NMU: variants seen among roughly 807,000 people sequenced by gnomAD.
NMU encodes neuromedin U.
Under a neutral mutation model 35.4 loss-of-function variants are expected in NMU, and 29 were observed. The ratio of observed to expected loss-of-function variants is 0.82; its 90% CI spans 0.61 to 1.12. The LOEUF (loss-of-function observed/expected upper bound fraction) is 1.12. Among genes scored for constraint, NMU ranks in the 50% most tolerant of loss-of-function variants. The probability of loss-of-function intolerance (pLI) is 0.00; values close to 1 mark genes in which losing one functional copy is unlikely to be tolerated. For missense variants in NMU, 199 were observed against 206.2 expected (o/e 0.97, Z 0.21); for synonymous variants, 78 against 81.3 (o/e 0.96, Z 0.22).
intron 2 of NMU, among the ~76,000 whole-genome samples, chr4:55,618,860 C>T (rs1048793061): frequency 6.8e-6 from 1 of 146,910 alleles, no homozygotes; most frequent in African/African-American, 2.5e-5. Context: ...TTTCTTCTCT[C>T]TCTCTTTCTT....
rs776487894 is a variant in NMU, at chr4:55,609,173, T to G, written c.226A>C (p.Asn76His). The G allele has an allele frequency of 6.2e-7, 1 of 1,610,462 alleles. No individual in the cohort carries two copies. Among genetic ancestry groups the G allele is most frequent in the Non-Finnish European group, 8.5e-7 (1 of 1,176,670 alleles). ...LSIDSQPQAS[N>H]ALEELCFMIM... ...ATAAAGCAAAGCTCCTCCAGTGCGT[T>G]GGATGCCTAACAGAAATGAGAAGAT... is the stretch of plus-strand genomic sequence containing the variant. The change falls in exon 4 of 10, where the codon AAC becomes CAC. Residue 76 changes from asparagine (N) to histidine (H), a missense_variant. By Grantham distance (68) the Asn-to-His change is moderately conservative. Transcript: ENST00000264218.
chr4:55,627,939 G>A (rs542071303), intron 2 of NMU, among the ~76,000 whole-genome samples: 1 of 152,316 alleles, frequency 6.6e-6, no homozygotes, highest in Admixed American at 6.5e-5. Context: ...TAAAGGTTAT[G>A]TATCAAACTT....
chr4:55,636,447 A>G (rs7688987), upstream of NMU: 458,204 of 458,962 alleles, frequency 1, 228,732 homozygotes, highest in Middle Eastern at 1. This position sits in a 1 kb window ranked among gnomAD's most constrained non-coding sequence, Gnocchi z 4.0. Flanking sequence ...ACCCTGCAGC[A>G]GGACCCGAGC....
At chr4:55,619,407 C>CA (rs1423715377) in intron 2 of NMU, among the ~76,000 whole-genome samples, 13 of 121,266 alleles carry the variant, frequency 1.1e-4, no homozygotes, top group African/African-American at 3.7e-4. Context: ...GGGTGACGGA[C>CA]GCACCTGGAA....
chr4:55,608,989 C>A, intron 4 of NMU, 131 bp downstream of exon 4: 1 of 740,988 alleles, frequency 1.3e-6, no homozygotes, highest in Non-Finnish European at 2.4e-6. Context: ...TATTTCTTAT[C>A]CAAAAACAAT....
chr4:55,629,702 G>A (rs1734682179), intron 2 of NMU, among the ~76,000 whole-genome samples: 1 of 150,696 alleles, frequency 6.6e-6, no homozygotes, highest in Admixed American at 6.6e-5. Context: ...ATTTCCAGTA[G>A]CTCTAATTTA....
chr4:55,612,483 CAT>C (rs1733971972), intron 3 of NMU, among the ~76,000 whole-genome samples: 1 of 152,118 alleles, frequency 6.6e-6, no homozygotes, highest in South Asian at 2.1e-4. Context: ...CCAGTGATGT[CAT>C]GTGTCAAAAA....
chr4:55,607,444 G>C lies in NMU; in HGVS notation c.302C>G (p.Thr101Ser). The change falls in exon 5 of 10, where the codon ACT (threonine) becomes AGT (serine). Residue 101 changes from threonine (T) to serine (S), a missense_variant. Transcript: ENST00000264218. ...KPQEQDEKDN[T>S]KRFLFHYSKT... ...GTATGAAAATCATCTTACCCTTTTA[G>C]TATTATCTTTTTCATCTTGTTCCTA... The C allele has an allele frequency of 9.6e-7, 1 of 1,036,370 alleles. No individual in the cohort carries two copies. Among genetic ancestry groups the C allele is most frequent in the Non-Finnish European group, 1.5e-6 (1 of 676,206 alleles). 64.2% of individuals were successfully genotyped at this position (1,036,370 alleles called of 1,614,324 possible).
intron 3 of NMU, among the ~76,000 whole-genome samples, chr4:55,615,576 G>A (rs1478060203): frequency 6.6e-6 from 1 of 152,106 alleles, no homozygotes; most frequent in Non-Finnish European, 1.5e-5. Flanking sequence ...AAACTCAATT[G>A]GGAGATAGGA....
intron 7 of NMU, among the ~76,000 whole-genome samples, chr4:55,603,904 T>C (rs1453212704): frequency 1.6e-5 from 1 of 63,690 alleles, no homozygotes; most frequent in Non-Finnish European, 3.1e-5. Flanking sequence ...AGAGCAAGAG[T>C]CCGTCTCAAA....
At chr4:55,632,800 A>G (rs997536560) in intron 1 of NMU, among the ~76,000 whole-genome samples, 1 of 152,126 alleles carries the variant, frequency 6.6e-6, no homozygotes, top group Non-Finnish European at 1.5e-5. Flanking sequence ...CTGTGTTCAG[A>G]CACACCGCCT....
intron 7 of NMU, 150 bp from the exon 8 acceptor site, chr4:55,600,725 C>T (rs983311998): frequency 1.6e-6 from 1 of 625,778 alleles, no homozygotes; most frequent in Non-Finnish European, 2.9e-6. Context: ...ATTTTTGTAT[C>T]ATACCTGAAA....
intron 7 of NMU, among the ~76,000 whole-genome samples, chr4:55,604,942 T>C (rs1733619430): frequency 6.6e-6 from 1 of 152,056 alleles, no homozygotes; most frequent in Non-Finnish European, 1.5e-5. Context: ...CTCTTATTCC[T>C]ACCTAAGGAC....
intron 3 of NMU, among the ~76,000 whole-genome samples, chr4:55,614,662 C>T (rs1734050023): frequency 6.6e-6 from 1 of 152,126 alleles, no homozygotes; most frequent in South Asian, 2.1e-4. Context: ...ATTTACTAAG[C>T]TCCTCTTGAA....
rs550245324 is a variant in NMU at position 55,601,032 on chromosome 4, G to A, written c.436-457C>T. ...TATTATCCAATATTTCTACAGAAATGTAGTTTGAAATTGAAGGACAAATTT... is the reference window on the plus strand; with the variant it reads ...TATTATCCAATATTTCTACAGAAATATAGTTTGAAATTGAAGGACAAATTT... On this transcript the variant is annotated intron_variant, in intron 7 of 9. Coordinates refer to ENST00000264218, the MANE Select transcript of NMU (RefSeq NM_006681.4). Among the ~76,000 whole-genome samples the A allele has an allele frequency of 1.6e-4, 25 of 152,254 alleles. No homozygotes were observed. In the East Asian group the frequency reaches 4.8e-3, roughly 29 times the overall value.
chr4:55,635,120 A>G (rs1309042290), intron 1 of NMU, among the ~76,000 whole-genome samples: 1 of 152,198 alleles, frequency 6.6e-6, no homozygotes, highest in African/African-American at 2.4e-5. Context: ...AGGGAAGCTA[A>G]GAGAACCTTC....
intron 2 of NMU, among the ~76,000 whole-genome samples, chr4:55,625,543 T>G (rs1171142851): frequency 6.6e-6 from 1 of 152,176 alleles, no homozygotes; most frequent in Non-Finnish European, 1.5e-5. Context: ...CTATCTTATC[T>G]TTTCCCTTAT....
chr4:55,619,921 G>T (rs1480705439), intron 2 of NMU, among the ~76,000 whole-genome samples: 1 of 136,944 alleles, frequency 7.3e-6, no homozygotes, highest in Non-Finnish European at 1.6e-5. Context: ...ACCTCACAAG[G>T]CAGGGTATTC....
At chr4:55,626,858 T>C (rs542935108) in intron 2 of NMU, among the ~76,000 whole-genome samples, 1 of 152,232 alleles carries the variant, frequency 6.6e-6, no homozygotes, top group Non-Finnish European at 1.5e-5. Context: ...TTCTTACGAT[T>C]TATATTTGAA....
Sources: gnomAD v4.1 joint callset for allele counts (sites outside exome capture counted in the v4.1 genomes callset) on GRCh38, gnomAD v4.1.1 for gene constraint, Gnocchi (gnomAD v3.1) non-coding constraint, MANE v1.5 for transcripts, NCBI Gene and HGNC (gene_info 2026-07-23, HGNC 2026-07-21) for gene names.